EYS: variants seen among roughly 807,000 people sequenced by gnomAD.
EYS encodes EGF-like photoreceptor maintenance factor.
In EYS, 250 loss-of-function variants were observed where a neutral mutation model predicts 282.1. The observed-to-expected ratio is 0.89, with a 90% CI of 0.80 to 0.98. The LOEUF is 0.98. EYS is among the 50% of genes least tolerant of loss of function. The probability of loss-of-function intolerance (pLI) is 0.00; values close to 1 mark genes in which losing one functional copy is unlikely to be tolerated. For missense variants in EYS, 4,016 were observed against 3,709.0 expected (o/e 1.08, Z -2.15); for synonymous variants, 1,355 against 1,282.9 (o/e 1.06, Z -1.20).
chr6:65,584,826 C>A (rs960841189), intron 2 of EYS, among the ~76,000 whole-genome samples: 1 of 150,880 alleles, frequency 6.6e-6, no homozygotes, highest in African/African-American at 2.4e-5. Context: ...TTTACACATG[C>A]ATGTATACAC....
chr6:64,709,407 C>T (rs1342566541), intron 22 of EYS, among the ~76,000 whole-genome samples: 2 of 152,210 alleles, frequency 1.3e-5, no homozygotes, highest in Non-Finnish European at 2.9e-5. Flanking sequence ...AGTTAGATGA[C>T]ATTACACCTT....
chr6:65,465,308 T>C (rs2150412389), intron 5 of EYS, among the ~76,000 whole-genome samples: 1 of 151,830 alleles, frequency 6.6e-6, no homozygotes, highest in South Asian at 2.1e-4. Flanking sequence ...TGGTACCTCA[T>C]CTCCCCCCAT....
intron 36 of EYS, among the ~76,000 whole-genome samples, chr6:63,840,229 A>G (rs371966540): frequency 2.3e-4 from 30 of 128,992 alleles, no homozygotes; most frequent in Non-Finnish European, 4.0e-4. Context: ...TATTATTATT[A>G]TTATTATTGT....
intron 35 of EYS, among the ~76,000 whole-genome samples, chr6:63,957,626 T>C (rs983992952): frequency 1.4e-5 from 2 of 141,046 alleles, no homozygotes; most frequent in African/African-American, 4.9e-5. Flanking sequence ...TTATTCAAAC[T>C]ATAAATCTGA....
At chr6:64,769,049 A>T (rs988857567) in intron 22 of EYS, among the ~76,000 whole-genome samples, 2 of 152,138 alleles carry the variant, frequency 1.3e-5, no homozygotes, top group Non-Finnish European at 2.9e-5. Context: ...TCACTTTCAT[A>T]TTAAGACAAA....
At chr6:65,370,512 C>G (rs969668148) in intron 8 of EYS, among the ~76,000 whole-genome samples, 8 of 151,306 alleles carry the variant, frequency 5.3e-5, no homozygotes, top group African/African-American at 1.9e-4. Context: ...ATCTCAGTCT[C>G]TTTGTTAGTT....
chr6:64,708,993 A>G (rs969887942), intron 22 of EYS, among the ~76,000 whole-genome samples: 1 of 141,406 alleles, frequency 7.1e-6, no homozygotes, highest in African/African-American at 2.6e-5. Context: ...TAGGGCAAAG[A>G]TGATTGCCTG....
intron 26 of EYS, among the ~76,000 whole-genome samples, chr6:64,521,017 C>T (rs1318702451): frequency 2.6e-5 from 4 of 151,748 alleles, no homozygotes; most frequent in Non-Finnish European, 5.9e-5. Context: ...ATCAGAGACC[C>T]TCATCCAGCA....
At chr6:64,013,466 T>C (rs1768742303) in intron 33 of EYS, among the ~76,000 whole-genome samples, 1 of 152,222 alleles carries the variant, frequency 6.6e-6, no homozygotes, top group Non-Finnish European at 1.5e-5. Context: ...GACATCCATT[T>C]CTAACCTCTC....
intron 2 of EYS, among the ~76,000 whole-genome samples, chr6:65,589,745 G>GA (rs1163744591): frequency 1.3e-5 from 2 of 151,756 alleles, no homozygotes; most frequent in Non-Finnish European, 2.9e-5. Context: ...ATTCAGCTAA[G>GA]AAAAAACACT....
intron 11 of EYS, among the ~76,000 whole-genome samples, chr6:65,311,333 C>T (rs2150298719): frequency 6.6e-6 from 1 of 152,198 alleles, no homozygotes; most frequent in South Asian, 2.1e-4. Context: ...GTGAGTTTTA[C>T]CCATTGAACA....
intron 36 of EYS, among the ~76,000 whole-genome samples, chr6:63,847,022 T>C (rs1772115613): frequency 6.6e-6 from 1 of 152,208 alleles, no homozygotes; most frequent in Non-Finnish European, 1.5e-5. Context: ...AAGACTCACA[T>C]AGCCCTTCAG....
chr6:65,116,572 G>C lies in EYS; in HGVS notation c.2024-58845C>G, dbSNP rs182137448. Among the ~76,000 whole-genome samples the C allele has an allele frequency of 1.9e-3, 288 of 152,114 alleles. 1 individual carries two copies. The highest frequency in any genetic ancestry group is 6.4e-3 in the African/African-American group (265 of 41,500). ...AGATGCTGGCTATTGAACGTGACAA[G>C]GAACTGCTTATGGCTCCTCCTGACC... is the stretch of plus-strand genomic sequence containing the variant. On this transcript the variant is annotated intron_variant, in intron 12 of 42. Coordinates refer to ENST00000503581, the MANE Select transcript of EYS (RefSeq NM_001142800.2).
intron 29 of EYS, among the ~76,000 whole-genome samples, chr6:64,368,678 C>G (rs897067795): frequency 1.3e-4 from 20 of 152,048 alleles, no homozygotes; most frequent in African/African-American, 4.8e-4. Context: ...GAGCATTTTT[C>G]ATATGTTTGT....
chr6:64,995,616 G>A (rs1771227924), intron 14 of EYS, among the ~76,000 whole-genome samples: 2 of 152,012 alleles, frequency 1.3e-5, no homozygotes, highest in South Asian at 2.1e-4. Flanking sequence ...TTACAGTTAG[G>A]AGTTAGATAA....
intron 37 of EYS, among the ~76,000 whole-genome samples, chr6:63,804,124 C>T (rs1770845015): frequency 6.6e-6 from 1 of 152,262 alleles, no homozygotes; most frequent in Non-Finnish European, 1.5e-5. Flanking sequence ...TCAAGCGATT[C>T]TCATGCCTCA....
intron 41 of EYS, among the ~76,000 whole-genome samples, chr6:63,733,066 G>A (rs1422920402): frequency 1.3e-5 from 2 of 152,004 alleles, no homozygotes; most frequent in Non-Finnish European, 2.9e-5. Context: ...GAGGATAGAG[G>A]GAATAATGAA....
chr6:63,796,648 T>C (rs1400427418), intron 37 of EYS, among the ~76,000 whole-genome samples: 1 of 152,216 alleles, frequency 6.6e-6, no homozygotes, highest in Non-Finnish European at 1.5e-5. Context: ...AATATGATAA[T>C]GTACTTTGCA....
intron 12 of EYS, among the ~76,000 whole-genome samples, chr6:65,270,019 A>G (rs1767855914): frequency 6.6e-6 from 1 of 152,186 alleles, no homozygotes; most frequent in Admixed American, 6.6e-5. Flanking sequence ...TCACCTCTAA[A>G]GTTTAAAATG....
Sources: allele counts gnomAD v4.1 joint callset (sites outside exome capture counted in the v4.1 genomes callset), GRCh38; gene constraint gnomAD v4.1.1; transcripts MANE v1.5; gene names NCBI Gene and HGNC (gene_info 2026-07-23, HGNC 2026-07-21).